The following RMDN3 variants were observed in gnomAD, a reference collection of about 807,000 sequenced individuals.
The protein encoded by RMDN3 is regulator of microtubule dynamics protein 3.
A neutral mutation model predicts 61.8 loss-of-function variants in RMDN3; 41 were observed. The ratio of observed to expected loss-of-function variants is 0.66; its 90% confidence interval spans 0.52 to 0.86. The LOEUF (loss-of-function observed/expected upper bound fraction) is 0.86, where lower values mean the gene tolerates loss of function less well. RMDN3 is among the 40% of genes least tolerant of loss of function. RMDN3 has a pLI of 0.00. For missense variants in RMDN3, 557 were observed against 585.3 expected, an observed-to-expected ratio of 0.95 and a Z score of 0.50; for synonymous variants, 247 against 232.0, an observed-to-expected ratio of 1.06 and a Z score of -0.59.
chr15:40,739,607 G>C (rs1312155157), intron 7 of RMDN3: 1 of 154,362 alleles, frequency 6.5e-6, no homozygotes, highest in Admixed American at 6.3e-5. Flanking sequence ...AGTTAGCCGT[G>C]GCCCAGGTAA....
chr15:40,752,201 G>A, intron 2 of RMDN3, 23 bp from the exon 3 acceptor site: 2 of 1,605,992 alleles, frequency 1.2e-6, no homozygotes, highest in Non-Finnish European at 1.7e-6. Flanking sequence ...ACGAATGGGA[G>A]CCAGTGACAC....
At chr15:40,750,309 T>A (rs1897767066) in intron 4 of RMDN3, among the ~76,000 whole-genome samples, 1 of 144,754 alleles carries the variant, frequency 6.9e-6, no homozygotes, top group Admixed American at 7.2e-5. Context: ...AACCTCTGCC[T>A]CCTGGGTTCC....
intron 8 of RMDN3, 80 bp from the exon 9 acceptor site, chr15:40,738,122 C>G: frequency 7.0e-7 from 1 of 1,430,712 alleles, no homozygotes; most frequent in Non-Finnish European, 9.8e-7. Flanking sequence ...TGCAGTGGCT[C>G]ATGCCTGTAA....
intron 4 of RMDN3, 38 bp downstream of exon 4, chr15:40,751,388 G>C (rs1897812248): frequency 6.2e-7 from 1 of 1,604,340 alleles, no homozygotes; most frequent in Non-Finnish European, 8.5e-7. Context: ...AACACAACCT[G>C]GCTGTAGCCA....
At chr15:40,738,636 A>G in intron 7 of RMDN3, 60 bp from the exon 8 acceptor site, 1 of 1,533,744 alleles carries the variant, frequency 6.5e-7, no homozygotes, top group Non-Finnish European at 9.0e-7. Flanking sequence ...CAAGGAATGG[A>G]TGCCCCAACC....
intron 4 of RMDN3, among the ~76,000 whole-genome samples, chr15:40,746,403 C>G (rs1897560451): frequency 6.6e-6 from 1 of 151,702 alleles, no homozygotes; most frequent in Admixed American, 6.6e-5. Flanking sequence ...GTAGTCCCAG[C>G]TACTCGGGAG....
chr15:40,737,587 G>A, intron 10 of RMDN3, 41 bp downstream of exon 10: 5 of 1,546,938 alleles, frequency 3.2e-6, no homozygotes, highest in Non-Finnish European at 4.5e-6. Context: ...AAAAAACAAG[G>A]TTACCCTGGT....
chr15:40,744,360 T>C (rs1897413533), intron 5 of RMDN3: 2 of 533,648 alleles, frequency 3.7e-6, no homozygotes, highest in Non-Finnish European at 6.8e-6. Flanking sequence ...GCCAGTAGCT[T>C]GCACAATTAC....
At position 40,755,216 on chromosome 15, in the gene RMDN3, T is replaced by TGGC. The variant is rs1248071670; in HGVS notation, c.-144_-142dup. On this transcript the variant is annotated 5_prime_UTR_variant, in exon 1 of 13. Coordinates refer to ENST00000338376, the MANE Select transcript of RMDN3 (RefSeq NM_018145.3). ...ACCCTTACCCGGCCGCCAGCCACCA[T>TGGC]GGCAGCAGCCGCCGCGGGCTCACGC... is the stretch of plus-strand genomic sequence containing the variant. 5 of 154,354 alleles carry TGGC rather than the reference T, an allele frequency of 3.2e-5. No homozygotes were observed. Among genetic ancestry groups the TGGC allele is most frequent in the African/African-American group, 1.2e-4 (5 of 41,626 alleles). 9.6% of individuals were successfully genotyped at this position (154,354 alleles called of 1,614,324 possible).
chr15:40,738,667 C>A (rs2304582), intron 7 of RMDN3, 91 bp from the exon 8 acceptor site: 12 of 1,241,554 alleles, frequency 9.7e-6, no homozygotes, highest in East Asian at 7.1e-5. Flanking sequence ...TGCATTGTCC[C>A]CTATCCCTGT....
chr15:40,746,516 CAAAAAAA>C (rs756574720), intron 4 of RMDN3, among the ~76,000 whole-genome samples: 1 of 85,812 alleles, frequency 1.2e-5, no homozygotes, highest in Non-Finnish European at 2.5e-5. Flanking sequence ...GACTCCGTCT[CAAAAAAA>C]AAAAAAAAAA....
At position 40,751,330 on chromosome 15, in the gene RMDN3, C is replaced by G. The variant is rs549287575; in HGVS notation, c.524+96G>C. The stretch of plus-strand genomic sequence containing the variant: ...TTATACTCTTACCTGTTCCAAAAAT[C>G]ATTTGCAGCAGCTTGGTTTGAATTT... On this transcript the variant is annotated intron_variant, in intron 4 of 12. Transcript: ENST00000338376. The G allele has an allele frequency of 4.1e-4, 601 of 1,473,304 alleles. 1 individual carries two copies. Among genetic ancestry groups the G allele is most frequent in the Non-Finnish European group, 5.2e-4 (563 of 1,080,554 alleles). The allele number at this position is 1,473,304 out of a possible 1,614,324, so 91.3% of individuals were successfully genotyped here. A position where few individuals can be genotyped will look rare whatever the true frequency, so the allele number is the denominator to read the frequency against.
In RMDN3 at chr15:40,736,367, G is replaced by T; in HGVS notation, c.*174C>A. 1 of 596,162 alleles carries T rather than the reference G, an allele frequency of 1.7e-6. No individual in the cohort carries two copies. 36.9% of individuals were successfully genotyped at this position (596,162 alleles called of 1,614,324 possible). A position where few individuals can be genotyped will look rare whatever the true frequency, so the allele number is the denominator to read the frequency against. On this transcript the variant is annotated 3_prime_UTR_variant, in exon 13 of 13. Coordinates refer to ENST00000338376, the MANE Select transcript of RMDN3 (RefSeq NM_018145.3). ...AGCCATGAGTACTGCCCCAATTCTAGATTAGGTTAGAGGTTAGAATAAATT... is the reference window on the plus strand; with the variant it reads ...AGCCATGAGTACTGCCCCAATTCTATATTAGGTTAGAGGTTAGAATAAATT...
rs931473254 is a variant in RMDN3, at chr15:40,738,434, G to C, written c.1047+67C>G. Reference sequence around the variant, plus strand: ...GAGGCTGTAGAAAAGTTTTTGGCAGGGAGCTGGAAAGGAGTGGGGAATCTG... The same window carrying C: ...GAGGCTGTAGAAAAGTTTTTGGCAGCGAGCTGGAAAGGAGTGGGGAATCTG... On this transcript the variant is annotated intron_variant, in intron 8 of 12. Transcript: ENST00000338376. 5.2e-6 allele frequency: 8 copies of C among 1,524,088 alleles called. No homozygotes were observed. The African/African-American group carries it at 1.1e-4, about 21-fold the overall frequency. The allele number at this position is 1,524,088 out of a possible 1,614,324, so 94.4% of individuals were successfully genotyped here.
chr15:40,741,055 G>C (rs994376396), intron 6 of RMDN3, among the ~76,000 whole-genome samples: 1 of 150,688 alleles, frequency 6.6e-6, no homozygotes, highest in Non-Finnish European at 1.5e-5. Flanking sequence ...CTGCACTCCA[G>C]CCTGGGCGAC....
intron 4 of RMDN3, among the ~76,000 whole-genome samples, chr15:40,750,983 G>GA (rs1259428037): frequency 6.6e-6 from 1 of 152,204 alleles, no homozygotes; most frequent in Non-Finnish European, 1.5e-5. Flanking sequence ...GGGCCACTGA[G>GA]AACTCAGGAC....
intron 9 of RMDN3, 117 bp from the exon 10 acceptor site, chr15:40,737,843 C>G (rs118074807): frequency 6.3e-6 from 9 of 1,436,306 alleles, no homozygotes; most frequent in East Asian, 4.5e-5. Context: ...ACCAATAATA[C>G]GAGCATTCAG....
In RMDN3 at chr15:40,736,326, G is replaced by T; in HGVS notation, c.*215C>A. 3.9e-6 allele frequency: 2 copies of T among 519,386 alleles called. No individual in the cohort carries two copies. Among genetic ancestry groups the T allele is most frequent in the South Asian group, 6.1e-5 (2 of 33,024 alleles). The allele number at this position is 519,386 out of a possible 1,614,324, so 32.2% of individuals were successfully genotyped here. A position where few individuals can be genotyped will look rare whatever the true frequency, so the allele number is the denominator to read the frequency against. On this transcript the variant is annotated 3_prime_UTR_variant, in exon 13 of 13. Transcript: ENST00000338376. ...TTTTTAAGAGATTACTCAAGGGAGA[G>T]AACAACAGAAACGGAAGCCATGAGT... is the stretch of plus-strand genomic sequence containing the variant.
rs369312512 is a variant in RMDN3, at chr15:40,736,618, A to C, written c.1360-24T>G. 10 of 1,610,868 alleles carry C rather than the reference A, an allele frequency of 6.2e-6. No homozygotes were observed. The African/African-American group carries it at 1.1e-4, about 17-fold the overall frequency. Reference sequence around the variant, plus strand: ...TCCTAGGGAGACAAAGAACAAATCTAGGGCTCAAAATTTAAACCAGCATTT... The same window carrying C: ...TCCTAGGGAGACAAAGAACAAATCTCGGGCTCAAAATTTAAACCAGCATTT... On this transcript the variant is annotated intron_variant, in intron 12 of 12. Coordinates refer to ENST00000338376, the MANE Select transcript of RMDN3 (RefSeq NM_018145.3).
Sources: allele counts gnomAD v4.1 joint callset (sites outside exome capture counted in the v4.1 genomes callset), GRCh38; gene constraint gnomAD v4.1.1; transcripts MANE v1.5; gene names NCBI Gene and HGNC (gene_info 2026-07-23, HGNC 2026-07-21).